BRCA1: variants seen among roughly 807,000 people sequenced by gnomAD.
BRCA1 encodes the protein breast cancer type 1 susceptibility protein.
Under a neutral mutation model 173.7 loss-of-function variants are expected in BRCA1, and 140 were observed. That is an observed-to-expected ratio of 0.81 (90% CI 0.70 to 0.93). The LOEUF (loss-of-function observed/expected upper bound fraction) is 0.93. Ranked by LOEUF, BRCA1 falls within the 40% of genes least tolerant of loss-of-function variation. The probability of loss-of-function intolerance (pLI) is 0.00; values close to 1 mark genes in which losing one functional copy is unlikely to be tolerated. For missense variants in BRCA1, 1,983 were observed against 2,172.5 expected (o/e 0.91, Z 1.73); for synonymous variants, 662 against 756.0 (o/e 0.88, Z 2.04).
In BRCA1 at chr17:43,100,677, TAA is replaced by T. The variant is rs1491242099; in HGVS notation, c.442-799_442-798del. On this transcript the variant is annotated intron_variant, in intron 6 of 22. Coordinates refer to ENST00000357654, the MANE Select transcript of BRCA1 (RefSeq NM_007294.4). ...TATAACATATATATATATATATATA[TAA>T]TATATATATATATATATATATATGT... is the stretch of plus-strand genomic sequence containing the variant. Among the ~76,000 whole-genome samples, 17 of 14,696 alleles carry T rather than the reference TAA, an allele frequency of 1.2e-3. 2 individuals carry two copies. The highest frequency in any genetic ancestry group is 1.6e-3 in the Non-Finnish European group (16 of 9,810). 9.6% of individuals were successfully genotyped at this position (14,696 alleles called of 152,430 possible). A position where few individuals can be genotyped will look rare whatever the true frequency, so the allele number is the denominator to read the frequency against.
intron 6 of BRCA1, 111 bp downstream of exon 6, chr17:43,104,011 G>T (rs2154547898): frequency 7.3e-7 from 1 of 1,363,298 alleles, no homozygotes; most frequent in South Asian, 1.3e-5. Flanking sequence ...GGGGGCTAAG[G>T]CAGGAGGACT....
intron 11 of BRCA1, 63 bp from the exon 12 acceptor site, chr17:43,082,638 A>G: frequency 6.5e-7 from 1 of 1,548,554 alleles, no homozygotes; most frequent in Non-Finnish European, 8.9e-7. Context: ...CATTAAATGA[A>G]AATATATCAT....
chr17:43,106,912 A>G (rs1389628469), intron 3 of BRCA1, among the ~76,000 whole-genome samples: 1 of 152,138 alleles, frequency 6.6e-6, no homozygotes, highest in Non-Finnish European at 1.5e-5. Flanking sequence ...AAATCTCAAC[A>G]CCTCACCACA....
chr17:43,148,035 G>A (rs1218255388), intron 1 of BRCA1, among the ~76,000 whole-genome samples: 1 of 152,260 alleles, frequency 6.6e-6, no homozygotes, highest in Non-Finnish European at 1.5e-5. Context: ...GCCAGGATAA[G>A]CATTAGGGTA....
intron 3 of BRCA1, among the ~76,000 whole-genome samples, chr17:43,109,019 A>T (rs992651099): frequency 1.6e-5 from 2 of 125,934 alleles, no homozygotes; most frequent in African/African-American, 5.6e-5. Context: ...CAAAACAAAA[A>T]AACCCCAACT....
At chr17:43,123,980 A>G in intron 2 of BRCA1, 37 bp downstream of exon 2, 1 of 1,498,776 alleles carries the variant, frequency 6.7e-7, no homozygotes, top group Non-Finnish European at 9.3e-7. Flanking sequence ...AGATAATCAT[A>G]GGAATCCCAA....
At chr17:43,087,664 G>GA (rs1302904943) in intron 11 of BRCA1, among the ~76,000 whole-genome samples, 1,163 of 66,806 alleles carry the variant, frequency 0.017, 7 homozygotes, top group Non-Finnish European at 0.022. Context: ...CTCCATCTCA[G>GA]AAAAAAAAAA....
intron 1 of BRCA1, 193 bp downstream of exon 1, chr17:43,125,078 T>C: frequency 2.2e-6 from 1 of 446,216 alleles, no homozygotes; most frequent in Non-Finnish European, 4.5e-6. Flanking sequence ...GCCCCCTTCC[T>C]GATCCTCAGC....
intron 1 of BRCA1, among the ~76,000 whole-genome samples, chr17:43,139,161 G>A (rs1318121443): frequency 6.6e-6 from 1 of 150,650 alleles, no homozygotes; most frequent in Non-Finnish European, 1.5e-5. Context: ...AAAGATGGGG[G>A]TGCTAGGAGC....
chr17:43,069,683 G>T (rs771761632), intron 15 of BRCA1, among the ~76,000 whole-genome samples: 1 of 152,182 alleles, frequency 6.6e-6, no homozygotes, highest in African/African-American at 2.4e-5. Flanking sequence ...CTTACTCATT[G>T]TATCTACCAG....
intron 21 of BRCA1, among the ~76,000 whole-genome samples, chr17:43,048,771 G>A (rs1302493400): frequency 6.6e-6 from 1 of 151,536 alleles, no homozygotes; most frequent in East Asian, 1.9e-4. Flanking sequence ...ACCTGCCTCG[G>A]CCTCCCAAAG....
At chr17:43,149,763 C>T (rs902333018) in intron 1 of BRCA1, among the ~76,000 whole-genome samples, 9 of 152,102 alleles carry the variant, frequency 5.9e-5, no homozygotes, top group Non-Finnish European at 1.0e-4. Flanking sequence ...TAGTTTTCTT[C>T]CTTTCTCTTT....
chr17:43,085,235 CCTGG>C (rs2053182319), intron 11 of BRCA1, among the ~76,000 whole-genome samples: 1 of 152,134 alleles, frequency 6.6e-6, no homozygotes, highest in Non-Finnish European at 1.5e-5. Flanking sequence ...AGTGCTCCAT[CCTGG>C]CCATCACAGT....
intron 13 of BRCA1, among the ~76,000 whole-genome samples, chr17:43,075,255 T>C (rs776068983): frequency 6.6e-6 from 1 of 152,176 alleles, no homozygotes; most frequent in Non-Finnish European, 1.5e-5. Flanking sequence ...TCTACACTCA[T>C]TCTTTCTACT....
chr17:43,153,079 C>G (rs1319287937), intron 1 of BRCA1, among the ~76,000 whole-genome samples: 1 of 151,930 alleles, frequency 6.6e-6, no homozygotes, highest in Non-Finnish European at 1.5e-5. Context: ...GAGAACTCCA[C>G]TGGTTAAGAG....
At chr17:43,136,220 C>G (rs1316883042) in intron 1 of BRCA1, among the ~76,000 whole-genome samples, 1 of 152,182 alleles carries the variant, frequency 6.6e-6, no homozygotes, top group African/African-American at 2.4e-5. Context: ...ATTGGGAAAA[C>G]TGGCTAGCCA....
At chr17:43,080,340 C>T (rs565491313) in intron 12 of BRCA1, among the ~76,000 whole-genome samples, 2 of 152,302 alleles carry the variant, frequency 1.3e-5, no homozygotes, top group South Asian at 4.1e-4. Flanking sequence ...GGATTACAGG[C>T]ATGTGCCACC....
Position 43,111,348 on chromosome 17 carries a change from C to T in BRCA1, c.134+4378G>A, listed in dbSNP as rs558002856. ...CAGCCTGGCCAACATAGTGAAACCC[C>T]GTCTCTACTAAAAATACAAAAATTA... On this transcript the variant is annotated intron_variant, in intron 3 of 22. Coordinates refer to ENST00000357654, the MANE Select transcript of BRCA1 (RefSeq NM_007294.4). Among the ~76,000 whole-genome samples, 29 of 150,158 alleles carry T rather than the reference C, an allele frequency of 1.9e-4. 1 individual carries two copies. The highest frequency in any genetic ancestry group is 6.6e-4 in the African/African-American group (27 of 40,780).
At chr17:43,163,531 G>C (rs1023619985) in intron 1 of BRCA1, 7 of 152,192 alleles carry the variant, frequency 4.6e-5, no homozygotes, top group Admixed American at 6.5e-5. Flanking sequence ...GACTCCAATT[G>C]CATCTAAATA....
Sources: allele counts gnomAD v4.1 joint callset (sites outside exome capture counted in the v4.1 genomes callset), GRCh38; gene constraint gnomAD v4.1.1; transcripts MANE v1.5; gene names NCBI Gene and HGNC (gene_info 2026-07-23, HGNC 2026-07-21).